DPP10: variants seen among roughly 807,000 people sequenced by gnomAD.
DPP10 encodes the protein inactive dipeptidyl peptidase 10.
In DPP10, 33 loss-of-function variants were observed where a neutral mutation model predicts 120.9. The ratio of observed to expected loss-of-function variants is 0.27; its 90% confidence interval spans 0.21 to 0.37. DPP10 has a LOEUF of 0.37. DPP10 is among the 10% of genes least tolerant of loss of function. DPP10 has a pLI of 1.00. For missense variants in DPP10, 816 were observed against 942.8 expected, an observed-to-expected ratio of 0.87 and a Z score of 1.76; for synonymous variants, 337 against 326.1, an observed-to-expected ratio of 1.03 and a Z score of -0.36.
chr2:114,801,282 A>G (rs1028492039), intron 1 of DPP10, among the ~76,000 whole-genome samples: 3 of 89,168 alleles, frequency 3.4e-5, no homozygotes, highest in African/African-American at 1.2e-4. Context: ...AAAAAAAAGA[A>G]AAAAAGAAAG....
intron 24 of DPP10, among the ~76,000 whole-genome samples, chr2:115,837,381 A>G (rs1169308644): frequency 6.6e-6 from 1 of 152,138 alleles, no homozygotes; most frequent in African/African-American, 2.4e-5. Flanking sequence ...ATCCTCTGTG[A>G]TATTTTACAA....
intron 1 of DPP10, among the ~76,000 whole-genome samples, chr2:115,192,125 T>C (rs2054926949): frequency 1.3e-5 from 2 of 152,214 alleles, no homozygotes; most frequent in Admixed American, 6.5e-5. Flanking sequence ...TAATGGCACG[T>C]GCAGTGAAAT....
chr2:115,590,686 A>G (rs2149171436), intron 5 of DPP10, among the ~76,000 whole-genome samples: 1 of 152,310 alleles, frequency 6.6e-6, no homozygotes, highest in African/African-American at 2.4e-5. Flanking sequence ...TATACCCAGT[A>G]ATGGGATGGT....
intron 1 of DPP10, among the ~76,000 whole-genome samples, chr2:115,005,908 A>T (rs1336858306): frequency 6.6e-6 from 1 of 150,746 alleles, no homozygotes; most frequent in Non-Finnish European, 1.5e-5. Flanking sequence ...TCCAAGACAC[A>T]TAATTGTCAG....
chr2:115,583,439 C>T (rs1185874588), intron 5 of DPP10, among the ~76,000 whole-genome samples: 1 of 152,122 alleles, frequency 6.6e-6, no homozygotes, highest in African/African-American at 2.4e-5. Flanking sequence ...CCCAAGAAGG[C>T]CTCTTGGTGC....
At chr2:114,844,701 C>A (rs1404687886) in intron 1 of DPP10, among the ~76,000 whole-genome samples, 1 of 151,842 alleles carries the variant, frequency 6.6e-6, no homozygotes, top group Non-Finnish European at 1.5e-5. Context: ...CTCTCTTTAG[C>A]AATATTCCTT....
At chr2:115,187,920 G>C (rs2054575236) in intron 1 of DPP10, among the ~76,000 whole-genome samples, 1 of 152,162 alleles carries the variant, frequency 6.6e-6, no homozygotes, top group Non-Finnish European at 1.5e-5. Context: ...TTGGGAGGCT[G>C]AGGTGGGAGT....
chr2:114,512,335 C>A (rs1820923), intron 1 of DPP10, among the ~76,000 whole-genome samples: 7,034 of 152,206 alleles, frequency 0.046, 535 homozygotes, highest in African/African-American at 0.16. Flanking sequence ...TGTTACTAAA[C>A]TAACCATCCC....
At chr2:115,201,234 G>A (rs1387589259) in intron 1 of DPP10, among the ~76,000 whole-genome samples, 4 of 152,068 alleles carry the variant, frequency 2.6e-5, no homozygotes, top group African/African-American at 7.2e-5. Flanking sequence ...AGGCTGAAGC[G>A]GGCTGATCAC....
intron 5 of DPP10, among the ~76,000 whole-genome samples, chr2:115,564,335 T>A (rs2080871532): frequency 2.0e-5 from 3 of 151,460 alleles, no homozygotes; most frequent in South Asian, 2.1e-4. Context: ...AGTAAGACAC[T>A]AAAACTTGTT....
At position 115,099,418 on chromosome 2, in the gene DPP10, G is replaced by C. The variant is rs111731686; in HGVS notation, c.61-209821G>C. ...ATACTTTCTCCCGGTGATCAAGGTA[G>C]CATCTCCAGGATGACTATCACTTTA... is the stretch of plus-strand genomic sequence containing the variant. On this transcript the variant is annotated intron_variant, in intron 1 of 25. Transcript: ENST00000410059. Among the ~76,000 whole-genome samples, 902 of 152,276 alleles carry C rather than the reference G, an allele frequency of 5.9e-3. 8 individuals are homozygous for C. The highest frequency in any genetic ancestry group is 0.021 in the African/African-American group (859 of 41,548).
intron 3 of DPP10, among the ~76,000 whole-genome samples, chr2:115,413,619 T>A (rs1197668088): frequency 3.3e-5 from 5 of 152,226 alleles, no homozygotes; most frequent in African/African-American, 1.2e-4. Flanking sequence ...TAACTAGATT[T>A]TCCTTTGTTT....
chr2:115,556,364 G>GT (rs34615187), intron 5 of DPP10, among the ~76,000 whole-genome samples: 91,290 of 128,684 alleles, frequency 0.71, 35,649 homozygotes, highest in Non-Finnish European at 0.86. Flanking sequence ...TTTTTGGCAG[G>GT]TTTTTTTTTT....
chr2:115,251,018 G>A (rs550705104), intron 1 of DPP10, among the ~76,000 whole-genome samples: 9 of 152,256 alleles, frequency 5.9e-5, no homozygotes, highest in South Asian at 4.1e-4. Context: ...CATAGCTTTC[G>A]TCCCCGGTGG....
At chr2:114,756,601 C>G (rs1679770061) in intron 1 of DPP10, among the ~76,000 whole-genome samples, 1 of 152,192 alleles carries the variant, frequency 6.6e-6, no homozygotes, top group African/African-American at 2.4e-5. Context: ...CTTCCTAAAG[C>G]ACTGGGGTCT....
chr2:115,097,372 A>G (rs899130139), intron 1 of DPP10, among the ~76,000 whole-genome samples: 9 of 152,284 alleles, frequency 5.9e-5, no homozygotes, highest in Non-Finnish European at 1.3e-4. Flanking sequence ...CTTTGCTGGA[A>G]TGCTTCAAAG....
Position 114,705,293 on chromosome 2 carries a change from A to T in DPP10, c.60+262455A>T, listed in dbSNP as rs149997011. 2.0e-5 allele frequency among the ~76,000 whole-genome samples: 3 copies of T among 152,258 alleles called. No homozygotes were observed. In the East Asian group the frequency reaches 5.8e-4, roughly 29 times the overall value. ...CCAGTACCTTTTAAATAGCCTTGTT[A>T]TACTGGATGTACTATAAATTTATCT... On this transcript the variant is annotated intron_variant, in intron 1 of 25. Coordinates refer to ENST00000410059, the MANE Select transcript of DPP10 (RefSeq NM_020868.6).
chr2:115,007,376 CT>C (rs1241890113), intron 1 of DPP10, among the ~76,000 whole-genome samples: 3 of 152,138 alleles, frequency 2.0e-5, no homozygotes, highest in Non-Finnish European at 4.4e-5. Flanking sequence ...ATTCAACAAC[CT>C]TTCATGCTAA....
At chr2:115,215,594 A>C (rs1000235035) in intron 1 of DPP10, among the ~76,000 whole-genome samples, 5 of 152,202 alleles carry the variant, frequency 3.3e-5, no homozygotes, top group African/African-American at 1.2e-4. Context: ...TATTGAAAAC[A>C]GTATGGAGAA....
Sources: gnomAD v4.1 joint callset for allele counts (sites outside exome capture counted in the v4.1 genomes callset) on GRCh38, gnomAD v4.1.1 for gene constraint, MANE v1.5 for transcripts, NCBI Gene and HGNC (gene_info 2026-07-23, HGNC 2026-07-21) for gene names.